Variants in CACNA2D3 observed in about 807,000 individuals in gnomAD.
The protein encoded by CACNA2D3 is calcium voltage-gated channel auxiliary subunit alpha2delta 3.
A neutral mutation model predicts 160.6 loss-of-function variants in CACNA2D3; 60 were observed. That is an observed-to-expected ratio of 0.37 (90% CI 0.30 to 0.46). The LOEUF is 0.46. Among genes scored for constraint, CACNA2D3 ranks in the 20% least tolerant of loss-of-function variants. The probability of loss-of-function intolerance (pLI) is 1.00; values close to 1 mark genes in which losing one functional copy is unlikely to be tolerated. For missense variants in CACNA2D3, 1,205 were observed against 1,365.0 expected, an observed-to-expected ratio of 0.88 and a Z score of 1.85; for synonymous variants, 558 against 492.9, an observed-to-expected ratio of 1.13 and a Z score of -1.75.
At chr3:55,072,458 C>T (rs1233216011) in intron 35 of CACNA2D3, among the ~76,000 whole-genome samples, 1 of 152,058 alleles carries the variant, frequency 6.6e-6, no homozygotes, top group Non-Finnish European at 1.5e-5. Context: ...TTTTAGTTCA[C>T]CATGGTGATA....
chr3:54,540,051 A>C (rs1344519981), intron 5 of CACNA2D3, among the ~76,000 whole-genome samples: 1 of 152,216 alleles, frequency 6.6e-6, no homozygotes, highest in Non-Finnish European at 1.5e-5. Flanking sequence ...GTTTCTTCCC[A>C]AGTGAATTTC....
intron 11 of CACNA2D3, among the ~76,000 whole-genome samples, chr3:54,727,984 T>G (rs1701309791): frequency 6.6e-6 from 1 of 151,474 alleles, no homozygotes; most frequent in Non-Finnish European, 1.5e-5. Context: ...CTTATTGCTT[T>G]TTAGTATGTT....
At chr3:54,180,821 A>T (rs1441290610) in intron 2 of CACNA2D3, among the ~76,000 whole-genome samples, 1 of 152,144 alleles carries the variant, frequency 6.6e-6, no homozygotes, top group Admixed American at 6.5e-5. Flanking sequence ...CTAAGCCTGT[A>T]CTTGTCTGCT....
intron 26 of CACNA2D3, 23 bp downstream of exon 26, chr3:54,896,893 G>A: frequency 6.2e-7 from 1 of 1,613,714 alleles, no homozygotes; most frequent in Non-Finnish European, 8.5e-7. Flanking sequence ...GTTGGAGGCG[G>A]GCTCTGTCTG....
chr3:54,974,664 C>CT (rs1312547027), intron 29 of CACNA2D3, among the ~76,000 whole-genome samples: 4 of 152,322 alleles, frequency 2.6e-5, no homozygotes, highest in African/African-American at 9.6e-5. Context: ...AGGAAGATGC[C>CT]TTTTTTAAAA....
At chr3:54,576,361 G>A (rs1162500499) in intron 8 of CACNA2D3, among the ~76,000 whole-genome samples, 29 of 152,140 alleles carry the variant, frequency 1.9e-4, no homozygotes, top group Admixed American at 1.9e-3. Context: ...GAACCTTGGT[G>A]GGAGGGTCTA....
intron 2 of CACNA2D3, among the ~76,000 whole-genome samples, chr3:54,255,465 C>G (rs1056810668): frequency 6.6e-6 from 1 of 152,188 alleles, no homozygotes; most frequent in Non-Finnish European, 1.5e-5. Context: ...AGTAAGGTCC[C>G]AATTACAGAA....
chr3:54,803,843 TAACA>T (rs1703051902), intron 13 of CACNA2D3, among the ~76,000 whole-genome samples: 2 of 152,184 alleles, frequency 1.3e-5, no homozygotes, highest in African/African-American at 2.4e-5. Flanking sequence ...CCCATCAGAC[TAACA>T]GCGGATCTCT....
chr3:54,615,640 A>C (rs1239896587), intron 9 of CACNA2D3, among the ~76,000 whole-genome samples: 3 of 152,240 alleles, frequency 2.0e-5, no homozygotes, highest in East Asian at 3.8e-4. Context: ...ATGTTTACAG[A>C]TGAAATAATA....
chr3:54,403,125 T>C (rs1699501635), intron 4 of CACNA2D3, among the ~76,000 whole-genome samples: 1 of 151,888 alleles, frequency 6.6e-6, no homozygotes, highest in Non-Finnish European at 1.5e-5. Flanking sequence ...CTTTGGGAGA[T>C]GGAGATGGAC....
chr3:54,522,925 TTTATTTATTTACTTAC>T (rs1230952621), intron 5 of CACNA2D3, among the ~76,000 whole-genome samples: 33 of 107,408 alleles, frequency 3.1e-4, no homozygotes, highest in Admixed American at 4.7e-4. Flanking sequence ...TATTTATTTA[TTTATTTATTTACTTAC>T]TTACTTACTT....
In CACNA2D3 at chr3:54,768,920, T is replaced by C. The variant is rs531687047; in HGVS notation, c.1380+4569T>C. Among the ~76,000 whole-genome samples, 3 of 152,268 alleles carry C rather than the reference T, an allele frequency of 2.0e-5. No homozygotes were observed. The South Asian group carries it at 6.2e-4, about 32-fold the overall frequency. On this transcript the variant is annotated intron_variant, in intron 13 of 37. Transcript: ENST00000474759. ...AGAATGTTCTGAGGGTTCCTTCTCC[T>C]CTTCATGGTGTTGAGCAACCTGTCA...
intron 3 of CACNA2D3, among the ~76,000 whole-genome samples, chr3:54,370,361 G>A (rs140287454): frequency 7.9e-5 from 12 of 152,218 alleles, no homozygotes; most frequent in African/African-American, 1.7e-4. Flanking sequence ...TTTATTTAGC[G>A]TTTCTTGTTC....
intron 5 of CACNA2D3, among the ~76,000 whole-genome samples, chr3:54,536,126 A>G (rs752752350): frequency 6.6e-6 from 1 of 152,212 alleles, no homozygotes; most frequent in Non-Finnish European, 1.5e-5. Flanking sequence ...AAAGTTATTA[A>G]AAACATCCAG....
chr3:54,537,664 A>G (rs1701910174), intron 5 of CACNA2D3, among the ~76,000 whole-genome samples: 1 of 152,158 alleles, frequency 6.6e-6, no homozygotes, highest in Non-Finnish European at 1.5e-5. Context: ...ACAGGGAATC[A>G]GAGGGTTCCT....
At chr3:54,883,839 A>G (rs1228984324) in intron 21 of CACNA2D3, among the ~76,000 whole-genome samples, 2 of 58,070 alleles carry the variant, frequency 3.4e-5, no homozygotes, top group Non-Finnish European at 7.1e-5. Context: ...TCTCCCTTCA[A>G]CCCTCCTTAT....
intron 2 of CACNA2D3, among the ~76,000 whole-genome samples, chr3:54,282,096 G>T (rs567451782): frequency 6.6e-6 from 1 of 152,164 alleles, no homozygotes. Context: ...TTTGTAAAAG[G>T]CACTTCTTCA....
At chr3:55,070,558 A>G (rs560916823) in intron 35 of CACNA2D3, among the ~76,000 whole-genome samples, 2 of 152,282 alleles carry the variant, frequency 1.3e-5, no homozygotes, top group African/African-American at 4.8e-5. Flanking sequence ...ATCCTTGAAG[A>G]AGCCTGAAAG....
intron 31 of CACNA2D3, among the ~76,000 whole-genome samples, chr3:54,996,306 G>T (rs1270210970): frequency 6.6e-6 from 1 of 152,188 alleles, no homozygotes; most frequent in Non-Finnish European, 1.5e-5. Flanking sequence ...GGAGACAAAA[G>T]AAATTTAATA....
Sources: gnomAD v4.1 joint callset for allele counts (sites outside exome capture counted in the v4.1 genomes callset) on GRCh38, gnomAD v4.1.1 for gene constraint, MANE v1.5 for transcripts, NCBI Gene and HGNC (gene_info 2026-07-23, HGNC 2026-07-21) for gene names.